SLC24A2: variants seen among roughly 807,000 people sequenced by gnomAD.
SLC24A2 encodes the protein sodium/potassium/calcium exchanger 2.
A neutral mutation model predicts 62.0 loss-of-function variants in SLC24A2; 36 were observed. That is an observed-to-expected ratio of 0.58 (90% CI 0.44 to 0.77). The LOEUF is 0.77. Among genes scored for constraint, SLC24A2 ranks in the 30% least tolerant of loss-of-function variants. The pLI is 0.00. For synonymous variants in SLC24A2, 358 were observed against 294.0 expected (o/e 1.22, Z -2.23); for missense variants, 846 against 817.9 (o/e 1.03, Z -0.42).
chr9:20,077,570 T>C, the SLC24A2 span, among the ~76,000 whole-genome samples: 3 of 150,248 alleles, frequency 2.0e-5, no homozygotes, highest in African/African-American at 7.3e-5. Flanking sequence ...CACCTGCTGC[T>C]ACTGGCTGCC....
the SLC24A2 span, among the ~76,000 whole-genome samples, chr9:20,210,218 C>A: frequency 6.6e-6 from 1 of 152,154 alleles, no homozygotes; most frequent in Non-Finnish European, 1.5e-5. Flanking sequence ...ACCTACACAC[C>A]CAGACCCAGC....
At chr9:19,605,799 C>A (rs148031721) in intron 4 of SLC24A2, among the ~76,000 whole-genome samples, 1 of 152,206 alleles carries the variant, frequency 6.6e-6, no homozygotes, top group African/African-American at 2.4e-5. Flanking sequence ...TAACAGCCCA[C>A]GACAGATACC....
the SLC24A2 span, among the ~76,000 whole-genome samples, chr9:20,165,058 A>C: frequency 3.3e-5 from 5 of 150,932 alleles, no homozygotes; most frequent in African/African-American, 9.7e-5. Context: ...TGGGTGCAGC[A>C]CACCAGCATG....
the SLC24A2 span, among the ~76,000 whole-genome samples, chr9:20,021,404 T>A: frequency 1.3e-5 from 2 of 151,976 alleles, no homozygotes; most frequent in African/African-American, 4.8e-5. Context: ...TACATACATG[T>A]ATATAATCTA....
the SLC24A2 span, among the ~76,000 whole-genome samples, chr9:20,272,338 C>G: frequency 6.6e-6 from 1 of 152,140 alleles, no homozygotes; most frequent in African/African-American, 2.4e-5. Context: ...CCAGAGAGAA[C>G]TGCTGTTTTA....
the SLC24A2 span, among the ~76,000 whole-genome samples, chr9:20,261,685 G>A: frequency 6.7e-6 from 1 of 149,944 alleles, no homozygotes; most frequent in African/African-American, 2.5e-5. Flanking sequence ...ATCTTCTACT[G>A]GTAAAGTAAA....
At chr9:20,099,171 A>G in the SLC24A2 span, among the ~76,000 whole-genome samples, 4 of 152,214 alleles carry the variant, frequency 2.6e-5, no homozygotes, top group Non-Finnish European at 5.9e-5. Flanking sequence ...GGGAGATTGT[A>G]TAGCTTCTTT....
chr9:19,571,585 T>C (rs1835839365), intron 7 of SLC24A2, among the ~76,000 whole-genome samples: 1 of 152,130 alleles, frequency 6.6e-6, no homozygotes, highest in Non-Finnish European at 1.5e-5. Context: ...ACTGGGGAGC[T>C]CATTAGAACT....
At chr9:20,055,463 G>T in the SLC24A2 span, among the ~76,000 whole-genome samples, 1 of 152,042 alleles carries the variant, frequency 6.6e-6, no homozygotes, top group Non-Finnish European at 1.5e-5. Flanking sequence ...GTTTAGTAGG[G>T]GGTGTAAATT....
Position 19,655,015 on chromosome 9 carries a change from C to T in SLC24A2, c.931-32716G>A, listed in dbSNP as rs1022951464. On this transcript the variant is annotated intron_variant, in intron 2 of 10. Coordinates refer to ENST00000341998, the MANE Select transcript of SLC24A2 (RefSeq NM_020344.4). ...ATACAGCCTGTAACCTACTTATCAC[C>T]TGTGACTCATATTAGTTTCTTGTAG... Among the ~76,000 whole-genome samples the T allele has an allele frequency of 3.0e-4, 45 of 152,228 alleles. 1 individual carries two copies. The highest frequency in any genetic ancestry group is 1.0e-3 in the African/African-American group (43 of 41,452).
At chr9:20,304,806 C>T in the SLC24A2 span, among the ~76,000 whole-genome samples, 1 of 152,026 alleles carries the variant, frequency 6.6e-6, no homozygotes, top group Non-Finnish European at 1.5e-5. Context: ...AGTAACTTGC[C>T]TAAAGTCTCA....
At chr9:19,974,900 C>T in the SLC24A2 span, among the ~76,000 whole-genome samples, 17 of 152,180 alleles carry the variant, frequency 1.1e-4, 1 homozygote, top group African/African-American at 4.1e-4. Context: ...GTCAGGGTTA[C>T]AAGATGGATG....
chr9:20,200,770 A>G, the SLC24A2 span, among the ~76,000 whole-genome samples: 2 of 152,176 alleles, frequency 1.3e-5, no homozygotes, highest in African/African-American at 2.4e-5. Flanking sequence ...AGCTTACTTC[A>G]TGCATGTCTG....
chr9:19,662,642 C>T (rs1204926415), intron 2 of SLC24A2, among the ~76,000 whole-genome samples: 1 of 152,158 alleles, frequency 6.6e-6, no homozygotes, highest in Admixed American at 6.5e-5. Flanking sequence ...GTCCCTAAAC[C>T]TGGAGTTCCA....
intron 2 of SLC24A2, among the ~76,000 whole-genome samples, chr9:19,771,199 G>A (rs1822676930): frequency 6.6e-6 from 1 of 152,194 alleles, no homozygotes; most frequent in Non-Finnish European, 1.5e-5. Flanking sequence ...CGGAGATAGA[G>A]TTGGATTAAT....
the SLC24A2 span, among the ~76,000 whole-genome samples, chr9:20,197,139 C>G: frequency 6.6e-6 from 1 of 152,060 alleles, no homozygotes; most frequent in Non-Finnish European, 1.5e-5. Flanking sequence ...ATGAAGATCT[C>G]ATACTATAGT....
the SLC24A2 span, among the ~76,000 whole-genome samples, chr9:19,877,103 T>C: frequency 6.6e-6 from 1 of 151,940 alleles, no homozygotes; most frequent in East Asian, 2.0e-4. Context: ...ATTACGCCAT[T>C]GTCTGAAAGA....
At chr9:19,708,540 AC>A (rs1304814554) in intron 2 of SLC24A2, among the ~76,000 whole-genome samples, 1 of 152,230 alleles carries the variant, frequency 6.6e-6, no homozygotes, top group African/African-American at 2.4e-5. Context: ...ACAGCATGGT[AC>A]TGGTACCAAA....
chr9:19,873,785 T>C, the SLC24A2 span, among the ~76,000 whole-genome samples: 2 of 152,078 alleles, frequency 1.3e-5, no homozygotes, highest in Admixed American at 6.6e-5. Flanking sequence ...TAAAGTATAT[T>C]ACACAGCTCT....
Sources: allele counts gnomAD v4.1 joint callset (sites outside exome capture counted in the v4.1 genomes callset), GRCh38; gene constraint gnomAD v4.1.1; transcripts MANE v1.5; gene names NCBI Gene and HGNC (gene_info 2026-07-23, HGNC 2026-07-21).